MIA2: variants seen among roughly 807,000 people sequenced by gnomAD.
MIA2 encodes MIA SH3 domain ER export factor 2.
A neutral mutation model predicts 167.8 loss-of-function variants in MIA2; 127 were observed. The ratio of observed to expected loss-of-function variants is 0.76; its 90% CI spans 0.66 to 0.88. The LOEUF (loss-of-function observed/expected upper bound fraction) is 0.88. Among genes scored for constraint, MIA2 ranks in the 40% least tolerant of loss-of-function variants. The pLI is 0.00. For missense variants in MIA2, 1,690 were observed against 1,624.7 expected (o/e 1.04, Z -0.69); for synonymous variants, 552 against 541.9 (o/e 1.02, Z -0.26).
rs1489655379 is a variant in MIA2 at position 39,388,242 on chromosome 14, T to C, written c.*1290T>C. 2 of 152,274 alleles carry C rather than the reference T, an allele frequency of 1.3e-5. No individual in the cohort carries two copies. Among genetic ancestry groups the C allele is most frequent in the Non-Finnish European group, 2.9e-5 (2 of 68,046 alleles). The allele number at this position is 152,274 out of a possible 1,614,324, so 9.4% of individuals were successfully genotyped here. On this transcript the variant is annotated 3_prime_UTR_variant, in exon 24 of 24. Coordinates refer to the MIA2 transcript ENST00000341502. The surrounding 1 kb of genome is among the most constrained non-coding windows in gnomAD (Gnocchi z 4.1). The stretch of plus-strand genomic sequence containing the variant: ...AAGGCATACCCATGTAGAGTATTTA[T>C]TGACAGCTATCCAAACAATCTTACA...
chr14:39,255,234 G>A lies in MIA2; in HGVS notation c.1887+2063G>A, dbSNP rs928217582. Among the ~76,000 whole-genome samples, 98 of 152,162 alleles carry A rather than the reference G, an allele frequency of 6.4e-4. 1 individual carries two copies. The highest frequency in any genetic ancestry group is 1.3e-4 in the Non-Finnish European group (9 of 68,022). ...CATTAGGCTGGGCATGGTGGCTCAG[G>A]CCTACAGGCCTGAGTGTAATCCCAG... is the stretch of plus-strand genomic sequence containing the variant. On this transcript the variant is annotated intron_variant, in intron 6 of 28. Transcript: ENST00000640607.
chr14:39,371,034 T>C (rs2074932756), intron 23 of MIA2, among the ~76,000 whole-genome samples: 1 of 152,228 alleles, frequency 6.6e-6, no homozygotes, highest in Non-Finnish European at 1.5e-5. Context: ...TACTTTTTTT[T>C]CCTGAAACTT....
chr14:39,243,654 T>C (rs1047062326), intron 3 of MIA2, among the ~76,000 whole-genome samples: 1 of 152,030 alleles, frequency 6.6e-6, no homozygotes, highest in Non-Finnish European at 1.5e-5. Flanking sequence ...TCATCTGAGG[T>C]CAGGAGTTTG....
In MIA2 at chr14:39,252,854, C is replaced by A. The variant is rs747439190; in HGVS notation, c.1674C>A (p.Thr558=). 1.2e-6 allele frequency: 2 copies of A among 1,613,796 alleles called. No individual in the cohort carries two copies. Among genetic ancestry groups the A allele is most frequent in the Non-Finnish European group, 1.7e-6 (2 of 1,179,914 alleles). ...AAAATTCGAAACCATCAGTAGACAC[C>A]GAAGGGCCTGCTCTGGTGGAGATAG... ...SDENSKPSVD[T]EGPALVEIDR... Residue 558 remains threonine, a synonymous_variant, in exon 5 of 29, where the codon ACC becomes ACA. Coordinates refer to ENST00000640607, the MANE Select transcript of MIA2 (RefSeq NM_001329214.4).
In MIA2 at chr14:39,331,572, TGTG is replaced by T. The variant is rs531832222; in HGVS notation, c.3655+4551_3655+4553del. On this transcript the variant is annotated intron_variant, in intron 25 of 28. Transcript: ENST00000640607. ...ACGTTGATGGTCTTTTACGTTTTGT[TGTG>T]TTTTTGCAGTGGCTGGTAGCGGTTT... Among the ~76,000 whole-genome samples the T allele has an allele frequency of 6.8e-4, 103 of 152,314 alleles. 1 individual carries two copies. Among genetic ancestry groups the T allele is most frequent in the Admixed American group, 3.3e-3 (50 of 15,294 alleles).
At chr14:39,385,964 C>G in intron 23 of MIA2, 1 of 819,168 alleles carries the variant, frequency 1.2e-6, no homozygotes, top group East Asian at 2.4e-5. Flanking sequence ...GGACCAGGAG[C>G]CTGTCCGCCA....
intron 4 of MIA2, among the ~76,000 whole-genome samples, chr14:39,252,094 T>C (rs1276514171): frequency 6.6e-6 from 1 of 152,118 alleles, no homozygotes; most frequent in Admixed American, 6.6e-5. Flanking sequence ...TAGAATTATA[T>C]ATAGCTTTTG....
At chr14:39,373,122 A>G (rs28371933) in intron 23 of MIA2, among the ~76,000 whole-genome samples, 1 of 152,198 alleles carries the variant, frequency 6.6e-6, no homozygotes, top group East Asian at 1.9e-4. Context: ...TAGCACATGT[A>G]CCCTAAATAC....
intron 5 of MIA2, 50 bp downstream of exon 5, chr14:39,253,016 A>G: frequency 6.4e-7 from 1 of 1,558,834 alleles, no homozygotes; most frequent in Middle Eastern, 1.7e-4. Context: ...GGAAGAAATT[A>G]GAATCAGAAG....
At position 39,240,544 on chromosome 14, in the gene MIA2, G is replaced by A; in HGVS notation, c.250-17G>A. On this transcript the variant is annotated splice_polypyrimidine_tract_variant and intron_variant, in intron 2 of 28. Coordinates refer to ENST00000640607, the MANE Select transcript of MIA2 (RefSeq NM_001329214.4). ...TGATCATTCTTCCTCGATAATCTTTGTTCTTCATTTTGACAGAAAGGAAAG... is the reference window on the plus strand; with the variant it reads ...TGATCATTCTTCCTCGATAATCTTTATTCTTCATTTTGACAGAAAGGAAAG... 1 of 1,580,334 alleles carries A rather than the reference G, an allele frequency of 6.3e-7. No homozygotes were observed. The highest frequency in any genetic ancestry group is 2.2e-5 in the East Asian group (1 of 44,576).
chr14:39,293,205 T>A, intron 10 of MIA2, 66 bp from the exon 11 acceptor site: 1 of 1,072,366 alleles, frequency 9.3e-7, no homozygotes, highest in Non-Finnish European at 1.4e-6. Context: ...TTTTTTATTA[T>A]GCTCGTCTGA....
chr14:39,295,304 G>T (rs1040252602), intron 13 of MIA2, among the ~76,000 whole-genome samples: 1 of 152,096 alleles, frequency 6.6e-6, no homozygotes, highest in Non-Finnish European at 1.5e-5. Flanking sequence ...TGCCGAAGGG[G>T]TACAGAGAAT....
At chr14:39,286,271 C>T (rs566253540) in intron 9 of MIA2, among the ~76,000 whole-genome samples, 6 of 152,324 alleles carry the variant, frequency 3.9e-5, no homozygotes, top group Admixed American at 2.0e-4. Context: ...AGTGAAACCC[C>T]GTCTCCACCA....
intron 12 of MIA2, 87 bp downstream of exon 12, chr14:39,294,158 A>T: frequency 1.1e-6 from 1 of 925,986 alleles, no homozygotes; most frequent in South Asian, 1.5e-5. Flanking sequence ...ACACAATAGT[A>T]GGATTTGAGA....
intron 9 of MIA2, among the ~76,000 whole-genome samples, chr14:39,285,971 G>A (rs901104831): frequency 1.8e-3 from 274 of 151,172 alleles, no homozygotes; most frequent in African/African-American, 6.0e-3. Context: ...CTGGGCAGCC[G>A]GGCAGAGGGG....
At chr14:39,237,553 T>C (rs1230643000) in intron 2 of MIA2, among the ~76,000 whole-genome samples, 1 of 152,226 alleles carries the variant, frequency 6.6e-6, no homozygotes, top group African/African-American at 2.4e-5. Context: ...CCAATATTTC[T>C]ATAAAAGAGG....
At chr14:39,235,118 T>C (rs1313607171) in intron 1 of MIA2, among the ~76,000 whole-genome samples, 1 of 151,812 alleles carries the variant, frequency 6.6e-6, no homozygotes, top group African/African-American at 2.4e-5. Flanking sequence ...TCACTGCAAC[T>C]TCTGCCTCCC....
chr14:39,243,492 A>G (rs991426197), intron 3 of MIA2, among the ~76,000 whole-genome samples: 5 of 152,242 alleles, frequency 3.3e-5, no homozygotes, highest in South Asian at 2.1e-4. Context: ...TGAAAAGTCA[A>G]CTTGCAAAAG....
chr14:39,280,669 T>C (rs1157504941), intron 9 of MIA2, among the ~76,000 whole-genome samples: 1 of 152,078 alleles, frequency 6.6e-6, no homozygotes, highest in Non-Finnish European at 1.5e-5. Context: ...GAGACGGAGC[T>C]TGCAGTGAGC....
Sources: gnomAD v4.1 joint callset for allele counts (sites outside exome capture counted in the v4.1 genomes callset) on GRCh38, gnomAD v4.1.1 for gene constraint, Gnocchi (gnomAD v3.1) non-coding constraint, MANE v1.5 for transcripts, NCBI Gene and HGNC (gene_info 2026-07-23, HGNC 2026-07-21) for gene names.